The following XYLT1 variants were observed in gnomAD, a reference collection of about 807,000 sequenced individuals.
XYLT1 encodes the protein xylosyltransferase 1, also known as beta-D-xylosyltransferase 1.
Under a neutral mutation model 91.3 loss-of-function variants are expected in XYLT1, and 36 were observed. The observed-to-expected ratio is 0.39, with a 90% CI of 0.30 to 0.52. The LOEUF is 0.52. Ranked by LOEUF, XYLT1 falls within the 20% of genes least tolerant of loss-of-function variation. XYLT1 has a pLI of 0.68. For synonymous variants in XYLT1, 588 were observed against 532.0 expected, an observed-to-expected ratio of 1.11 and a Z score of -1.45; for missense variants, 1,242 against 1,284.5, an observed-to-expected ratio of 0.97 and a Z score of 0.51.
chr16:17,374,642 G>GAAAA (rs10622995), intron 1 of XYLT1, among the ~76,000 whole-genome samples: 2 of 144,392 alleles, frequency 1.4e-5, no homozygotes, highest in Non-Finnish European at 3.0e-5. Context: ...ATTACAGACA[G>GAAAA]AAAAAAAAAA....
intron 5 of XYLT1, among the ~76,000 whole-genome samples, chr16:17,163,375 T>C (rs1474355948): frequency 1.3e-5 from 2 of 152,020 alleles, no homozygotes; most frequent in Admixed American, 1.3e-4. Context: ...CCAGGCTGTA[T>C]GGAAAAGGTG....
At chr16:17,262,282 T>C (rs556887382) in intron 2 of XYLT1, among the ~76,000 whole-genome samples, 25 of 152,332 alleles carry the variant, frequency 1.6e-4, no homozygotes, top group African/African-American at 5.8e-4. Context: ...ATTTCCAACG[T>C]AGGCACTACT....
intron 3 of XYLT1, among the ~76,000 whole-genome samples, chr16:17,213,765 C>T (rs2032805346): frequency 6.6e-6 from 1 of 151,914 alleles, no homozygotes; most frequent in African/African-American, 2.4e-5. Flanking sequence ...ATTACAGGTG[C>T]CCACCCCCAT....
chr16:17,373,784 A>T (rs1301486225), intron 1 of XYLT1, among the ~76,000 whole-genome samples: 1 of 152,234 alleles, frequency 6.6e-6, no homozygotes, highest in Non-Finnish European at 1.5e-5. Flanking sequence ...CTAGAATTTG[A>T]TCAAATTCAG....
intron 5 of XYLT1, among the ~76,000 whole-genome samples, chr16:17,189,350 G>C (rs1251731924): frequency 6.6e-6 from 1 of 152,206 alleles, no homozygotes; most frequent in Non-Finnish European, 1.5e-5. Flanking sequence ...GTGTGAATGG[G>C]AAAGGCCATC....
In XYLT1 at chr16:17,264,752, G is replaced by A. The variant is rs115512762; in HGVS notation, c.403-5254C>T. Among the ~76,000 whole-genome samples the A allele has an allele frequency of 1.2e-3, 185 of 152,324 alleles. 1 individual carries two copies. Among genetic ancestry groups the A allele is most frequent in the African/African-American group, 4.4e-3 (182 of 41,562 alleles). ...AGACAGTATTAGTACTCCTTAAGAG[G>A]AGGAAACTAACATAGAGAGAGGTTA... On this transcript the variant is annotated intron_variant, in intron 2 of 11. Transcript: ENST00000261381.
intron 1 of XYLT1, among the ~76,000 whole-genome samples, chr16:17,367,616 A>G (rs1374693038): frequency 6.6e-6 from 1 of 152,234 alleles, no homozygotes; most frequent in Admixed American, 6.5e-5. Context: ...AAAATAGTTC[A>G]TATTTGAGCT....
At chr16:17,283,192 A>G (rs935460616) in intron 2 of XYLT1, among the ~76,000 whole-genome samples, 16 of 152,292 alleles carry the variant, frequency 1.1e-4, no homozygotes, top group African/African-American at 3.6e-4. Context: ...CTGGAGGCAA[A>G]GCCAAGCCAA....
intron 2 of XYLT1, among the ~76,000 whole-genome samples, chr16:17,281,633 C>T (rs571693483): frequency 6.6e-6 from 1 of 152,292 alleles, no homozygotes; most frequent in East Asian, 1.9e-4. Flanking sequence ...GTCTGTTGCA[C>T]AGGGAAATGT....
Position 17,198,251 on chromosome 16 carries a change from T to G in XYLT1, c.1250A>C (p.Asp417Ala), listed in dbSNP as rs1245147526. The G allele has an allele frequency of 1.2e-6, 2 of 1,613,976 alleles. No homozygotes were observed. Among genetic ancestry groups the G allele is most frequent in the African/African-American group, 1.3e-5 (1 of 74,900 alleles). ...GGCCGCACTCAGGTTGATGAAGAAG[T>G]CCCAGGGCCAGTCGGTCATCTCCAG... ...DLLEMTDWPW[D>A]FFINLSAADY... The change falls in exon 5 of 12, where the codon GAC becomes GCC. Residue 417 changes from aspartate to alanine, a missense_variant. Asp to Ala is a moderately radical substitution (Grantham distance 126). Transcript: ENST00000261381.
At chr16:17,129,122 T>C (rs2030378491) in intron 9 of XYLT1, among the ~76,000 whole-genome samples, 1 of 151,166 alleles carries the variant, frequency 6.6e-6, no homozygotes, top group Admixed American at 6.6e-5. Flanking sequence ...AGATGGTTTG[T>C]TGGGCATTCA....
At chr16:17,432,713 A>G (rs1186487215) in intron 1 of XYLT1, among the ~76,000 whole-genome samples, 1 of 152,136 alleles carries the variant, frequency 6.6e-6, no homozygotes, top group African/African-American at 2.4e-5. Context: ...TTCCCATTAT[A>G]TCTTTCCCTT....
At chr16:17,126,944 C>T (rs1186135933) in intron 10 of XYLT1, among the ~76,000 whole-genome samples, 13 of 152,078 alleles carry the variant, frequency 8.5e-5, no homozygotes, top group African/African-American at 4.8e-5. Flanking sequence ...AATGAGTGAC[C>T]AGATAAAGCA....
intron 1 of XYLT1, among the ~76,000 whole-genome samples, chr16:17,385,598 A>T (rs1010587210): frequency 1.3e-5 from 2 of 151,840 alleles, no homozygotes; most frequent in Non-Finnish European, 2.9e-5. Flanking sequence ...GGTTTTTGCC[A>T]TATTTCTGTA....
intron 1 of XYLT1, among the ~76,000 whole-genome samples, chr16:17,440,390 C>G (rs2036518314): frequency 6.6e-6 from 1 of 152,224 alleles, no homozygotes; most frequent in Non-Finnish European, 1.5e-5. Context: ...TGGTAAGTAT[C>G]AGAATGACTT....
At chr16:17,373,118 G>A (rs2035557074) in intron 1 of XYLT1, among the ~76,000 whole-genome samples, 1 of 152,122 alleles carries the variant, frequency 6.6e-6, no homozygotes, top group Non-Finnish European at 1.5e-5. Flanking sequence ...TATAAAACCA[G>A]CACCTTGGAT....
At chr16:17,450,373 AG>A (rs1323311927) in intron 1 of XYLT1, among the ~76,000 whole-genome samples, 2 of 151,780 alleles carry the variant, frequency 1.3e-5, no homozygotes, top group Non-Finnish European at 2.9e-5. Flanking sequence ...AAAAAAAAAA[AG>A]GTGAGAAGGA....
At chr16:17,183,866 T>C (rs1258284885) in intron 5 of XYLT1, among the ~76,000 whole-genome samples, 2 of 152,108 alleles carry the variant, frequency 1.3e-5, no homozygotes, top group East Asian at 3.9e-4. Flanking sequence ...TGCCTAATGA[T>C]CAGACCTTAA....
At chr16:17,305,417 CTT>C (rs35534038) in intron 2 of XYLT1, among the ~76,000 whole-genome samples, 321 of 130,072 alleles carry the variant, frequency 2.5e-3, no homozygotes, top group African/African-American at 6.1e-3. Flanking sequence ...TCTTCTTCTT[CTT>C]TTTTTTTTTT....
Sources: gnomAD v4.1 joint callset for allele counts (sites outside exome capture counted in the v4.1 genomes callset) on GRCh38, gnomAD v4.1.1 for gene constraint, MANE v1.5 for transcripts, NCBI Gene and HGNC (gene_info 2026-07-23, HGNC 2026-07-21) for gene names.